QTMAN: variants seen among roughly 807,000 people sequenced by gnomAD.
QTMAN encodes the protein queuosine-tRNA mannosyltransferase, also known as tRNA-queuosine alpha-mannosyltransferase.
At chr2:144,206,227 T>C in the QTMAN span, among the ~76,000 whole-genome samples, 3 of 152,204 alleles carry the variant, frequency 2.0e-5, no homozygotes, top group Admixed American at 2.0e-4. Context: ...TAGTAGGCAA[T>C]ATTGGTGCTT....
chr2:143,999,704 C>T, the QTMAN span, among the ~76,000 whole-genome samples: 7,489 of 152,132 alleles, frequency 0.049, 293 homozygotes, highest in African/African-American at 0.1. Flanking sequence ...CTGTAAGAAT[C>T]TGATCAAAAG....
chr2:143,991,439 G>T, the QTMAN span, among the ~76,000 whole-genome samples: 2 of 146,394 alleles, frequency 1.4e-5, no homozygotes, highest in African/African-American at 5.1e-5. Context: ...AGGTGGGGGG[G>T]TCAGCCCCCC....
chr2:143,999,011 A>ATAAT, the QTMAN span, among the ~76,000 whole-genome samples: 429 of 152,138 alleles, frequency 2.8e-3, 1 homozygote, highest in African/African-American at 0.01. Flanking sequence ...CAGTCACCCT[A>ATAAT]TAATTCATTA....
chr2:144,220,758 C>T, the QTMAN span, among the ~76,000 whole-genome samples: 1 of 152,160 alleles, frequency 6.6e-6, no homozygotes, highest in Non-Finnish European at 1.5e-5. Context: ...AGTTAACAAA[C>T]AGCCTGAATT....
chr2:144,317,189 A>G, the QTMAN span, among the ~76,000 whole-genome samples: 1 of 152,222 alleles, frequency 6.6e-6, no homozygotes, highest in Admixed American at 6.5e-5. Flanking sequence ...TCATTTCCCA[A>G]TGTCTGGAAT....
At chr2:144,060,491 C>T in the QTMAN span, among the ~76,000 whole-genome samples, 2 of 152,154 alleles carry the variant, frequency 1.3e-5, no homozygotes, top group Admixed American at 6.5e-5. Flanking sequence ...AAACTCCTGA[C>T]CTCAGGTGAT....
chr2:144,206,516 T>C, the QTMAN span, among the ~76,000 whole-genome samples: 14 of 152,216 alleles, frequency 9.2e-5, no homozygotes, highest in African/African-American at 3.1e-4. Flanking sequence ...TGCTCAAATA[T>C]AAGTTAAACT....
the QTMAN span, chr2:144,011,848 G>T: frequency 2.2e-6 from 1 of 453,718 alleles, no homozygotes. Context: ...GAGGTAAGAA[G>T]TGAAAGAGAG....
the QTMAN span, among the ~76,000 whole-genome samples, chr2:144,308,998 T>C: frequency 6.6e-6 from 1 of 152,132 alleles, no homozygotes; most frequent in Non-Finnish European, 1.5e-5. Flanking sequence ...GTTATATAAA[T>C]GGCCAATGAA....
At chr2:143,980,718 T>C in the QTMAN span, among the ~76,000 whole-genome samples, 1 of 152,236 alleles carries the variant, frequency 6.6e-6, no homozygotes, top group Non-Finnish European at 1.5e-5. Flanking sequence ...TTTGCTCAAC[T>C]CCATTTTTAT....
the QTMAN span, chr2:143,970,718 T>C: frequency 6.2e-7 from 1 of 1,609,434 alleles, no homozygotes; most frequent in South Asian, 1.1e-5. Flanking sequence ...GTCTTTAAGA[T>C]GCATTAATAC....
the QTMAN span, among the ~76,000 whole-genome samples, chr2:143,988,933 T>C: frequency 7.2e-5 from 11 of 152,226 alleles, no homozygotes; most frequent in Admixed American, 3.9e-4. Flanking sequence ...ATCTTTCAGA[T>C]GCCCTTTTAG....
At chr2:144,222,701 G>C in the QTMAN span, among the ~76,000 whole-genome samples, 6 of 151,962 alleles carry the variant, frequency 3.9e-5, no homozygotes, top group Admixed American at 3.9e-4. Flanking sequence ...CCAGCTGCTC[G>C]GGAGGCTGAG....
the QTMAN span, among the ~76,000 whole-genome samples, chr2:144,216,568 C>A: frequency 6.6e-6 from 1 of 152,174 alleles, no homozygotes; most frequent in Non-Finnish European, 1.5e-5. Context: ...CTAAATCAAG[C>A]AGCAAGTATA....
At chr2:144,093,393 T>C in the QTMAN span, among the ~76,000 whole-genome samples, 1 of 152,208 alleles carries the variant, frequency 6.6e-6, no homozygotes, top group African/African-American at 2.4e-5. Flanking sequence ...GTATACCCCA[T>C]GAAGGGCTGA....
At chr2:143,957,440 G>T in the QTMAN span, 1 of 652,280 alleles carries the variant, frequency 1.5e-6, no homozygotes, top group Non-Finnish European at 2.3e-6. Flanking sequence ...ATTAGCTGCT[G>T]CTTATTTTAA....
chr2:144,288,163 C>T, the QTMAN span, among the ~76,000 whole-genome samples: 5 of 152,096 alleles, frequency 3.3e-5, no homozygotes, highest in Admixed American at 2.0e-4. Flanking sequence ...GCCACCGAGT[C>T]CAGCAGCCAA....
chr2:144,128,877 TTAA>T, the QTMAN span, among the ~76,000 whole-genome samples: 2 of 151,940 alleles, frequency 1.3e-5, no homozygotes, highest in Non-Finnish European at 1.5e-5. Flanking sequence ...TCTATTTTAG[TTAA>T]TAATACAAGA....
the QTMAN span, among the ~76,000 whole-genome samples, chr2:144,029,580 G>C: frequency 2.0e-5 from 3 of 152,120 alleles, no homozygotes; most frequent in Non-Finnish European, 4.4e-5. Flanking sequence ...AAATAGGAAA[G>C]ACTTGTTTGA....
Sources: gnomAD v4.1 joint callset for allele counts (sites outside exome capture counted in the v4.1 genomes callset) on GRCh38, gnomAD v4.1.1 for gene constraint, MANE v1.5 for transcripts, NCBI Gene and HGNC (gene_info 2026-07-23, HGNC 2026-07-21) for gene names.